SUPT5H: variants seen among roughly 807,000 people sequenced by gnomAD.
SUPT5H encodes the protein transcription elongation factor SPT5.
SUPT5H carries 24 observed loss-of-function variants against 142.5 expected under a neutral mutation model. That is an observed-to-expected ratio of 0.17 (90% CI 0.12 to 0.24). The LOEUF (loss-of-function observed/expected upper bound fraction) is 0.24. Among genes scored for constraint, SUPT5H ranks in the 10% least tolerant of loss-of-function variants. The pLI is 1.00. For missense variants in SUPT5H, 893 were observed against 1,471.8 expected (o/e 0.61, Z 6.43); for synonymous variants, 546 against 553.0 (o/e 0.99, Z 0.18).
In SUPT5H at chr19:39,473,584, T is replaced by A; in HGVS notation, c.2492+63T>A. ...TGTGTGTGAGGGATGATGCTGGGTG[T>A]CTGGGGCATTGGAGGGGTTTGTGGG... On this transcript the variant is annotated intron_variant, in intron 25 of 29. Transcript: ENST00000432763. The surrounding 1 kb of genome is among the most constrained non-coding windows in gnomAD (Gnocchi z 5.8). 6.5e-7 allele frequency: 1 copy of A among 1,543,096 alleles called. No individual in the cohort carries two copies. The highest frequency in any genetic ancestry group is 8.8e-7 in the Non-Finnish European group (1 of 1,140,400).
chr19:39,471,870 A>G lies in SUPT5H; in HGVS notation c.1950+140A>G, dbSNP rs879189178. 4 of 1,247,596 alleles carry G rather than the reference A, an allele frequency of 3.2e-6. No individual in the cohort carries two copies. The South Asian group carries it at 6.4e-5, about 20-fold the overall frequency. 77.3% of individuals were successfully genotyped at this position (1,247,596 alleles called of 1,614,324 possible). A position where few individuals can be genotyped will look rare whatever the true frequency, so the allele number is the denominator to read the frequency against. On this transcript the variant is annotated intron_variant, in intron 20 of 29. Coordinates refer to ENST00000432763, the MANE Select transcript of SUPT5H (RefSeq NM_001111020.3). Reference sequence around the variant, plus strand: ...ATTGTCAGGTCCTTGGCAAAGAGTGAGAAGGTTTATTTGGGATTCTGAGCT... The same window carrying G: ...ATTGTCAGGTCCTTGGCAAAGAGTGGGAAGGTTTATTTGGGATTCTGAGCT...
rs4803244 is a variant in SUPT5H, at chr19:39,473,607, G to A, written c.2492+86G>A. 538,849 of 1,428,254 alleles carry A rather than the reference G, an allele frequency of 0.38. 105,102 individuals are homozygous for A. Among genetic ancestry groups the A allele is most frequent in the African/African-American group, 0.59 (42,082 of 71,116 alleles). The allele number at this position is 1,428,254 out of a possible 1,614,324, so 88.5% of individuals were successfully genotyped here. A position where few individuals can be genotyped will look rare whatever the true frequency, so the allele number is the denominator to read the frequency against. On this transcript the variant is annotated intron_variant, in intron 25 of 29. Transcript: ENST00000432763. This position sits in a 1 kb window ranked among gnomAD's most constrained non-coding sequence, Gnocchi z 5.8. The stretch of plus-strand genomic sequence containing the variant: ...TGTCTGGGGCATTGGAGGGGTTTGT[G>A]GGGCCCACCCAGCATTCTCTGCTCC...
At chr19:39,471,255 A>T in intron 18 of SUPT5H, 102 bp from the exon 19 acceptor site, 1 of 1,398,418 alleles carries the variant, frequency 7.2e-7, no homozygotes, top group Non-Finnish European at 9.9e-7. Context: ...GGAGCTTGGG[A>T]CTGTCTCCCA....
At chr19:39,475,225 C>CAAAAAAGA (rs2079386208) in intron 28 of SUPT5H, 1 of 81,004 alleles carries the variant, frequency 1.2e-5, no homozygotes, top group Non-Finnish European at 2.3e-5. Flanking sequence ...ACTAAAAATA[C>CAAAAAAGA]AAAAAAAAAA....
rs755128521 is a variant in SUPT5H at position 39,474,211 on chromosome 19, C to T, written c.2652-23C>T. The T allele has an allele frequency of 1.9e-6, 3 of 1,613,954 alleles. No homozygotes were observed. In the East Asian group the frequency reaches 6.7e-5, roughly 36 times the overall value. ...TTCCCCTCCCTCCTCCAACAAATGC[C>T]CCCTTCTCTCCTGTCTCTGCAGGTA... On this transcript the variant is annotated intron_variant, in intron 26 of 29. Coordinates refer to ENST00000432763, the MANE Select transcript of SUPT5H (RefSeq NM_001111020.3). This position sits in a 1 kb window ranked among gnomAD's most constrained non-coding sequence, Gnocchi z 6.5.
intron 2 of SUPT5H, among the ~76,000 whole-genome samples, chr19:39,446,388 A>G (rs1042328987): frequency 6.6e-6 from 1 of 152,236 alleles, no homozygotes; most frequent in Admixed American, 6.5e-5. Context: ...GGAATAAACT[A>G]TATAGTAAGC....
chr19:39,456,406 T>TG (rs200866343), intron 3 of SUPT5H, among the ~76,000 whole-genome samples: 61 of 84,132 alleles, frequency 7.3e-4, no homozygotes, highest in Middle Eastern at 6.9e-3. Context: ...GACTGTTTTT[T>TG]TTTGTTGTTG....
In SUPT5H at chr19:39,473,274, T is replaced by C. The variant is rs1164772996; in HGVS notation, c.2330T>C (p.Met777Thr). The C allele has an allele frequency of 6.2e-7, 1 of 1,613,682 alleles. No individual in the cohort carries two copies. The highest frequency in any genetic ancestry group is 8.5e-7 in the Non-Finnish European group (1 of 1,179,940). ...RTPMYGSQTP[M>T]YGSGSRTPMY... ...CCCATGTATGGCTCCCAGACGCCCATGTATGGCTCTGGCTCCCGAACACCC... is the reference window on the plus strand; with the variant it reads ...CCCATGTATGGCTCCCAGACGCCCACGTATGGCTCTGGCTCCCGAACACCC... The change falls in exon 24 of 30, where the codon ATG becomes ACG. Residue 777 changes from methionine to threonine, a missense_variant. Met to Thr is a moderately conservative substitution (Grantham distance 81). Coordinates refer to ENST00000432763, the MANE Select transcript of SUPT5H (RefSeq NM_001111020.3). This position sits in a 1 kb window ranked among gnomAD's most constrained non-coding sequence, Gnocchi z 5.8.
rs1399081252 is a variant in SUPT5H at position 39,453,476 on chromosome 19, C to T, written c.196C>T (p.Pro66Ser). 5 of 1,550,124 alleles carry T rather than the reference C, an allele frequency of 3.2e-6. No individual in the cohort carries two copies. The Admixed American group carries it at 9.8e-5, about 30-fold the overall frequency. The change falls in exon 3 of 30, where the codon CCC (proline) becomes TCC (serine). Residue 66 changes from proline to serine, a missense_variant. By Grantham distance (74) the Pro-to-Ser change is moderately conservative. Coordinates refer to ENST00000432763, the MANE Select transcript of SUPT5H (RefSeq NM_001111020.3). Reference protein sequence around the residue: ...EEEEEEDDDRPPKKPRHGGFI... With the variant: ...EEEEEEDDDRSPKKPRHGGFI... The stretch of plus-strand genomic sequence containing the variant: ...AGAGGAGGAAGAAGATGATGACCGA[C>T]CCCCCAAGAAACCCCGCCATGGAGG...
At chr19:39,476,029 C>A in intron 28 of SUPT5H, 52 bp from the exon 29 acceptor site, 1 of 1,514,200 alleles carries the variant, frequency 6.6e-7, no homozygotes, top group Non-Finnish European at 9.2e-7. Flanking sequence ...GTATGGGCCT[C>A]AGTCCCATGT....
Position 39,456,159 on chromosome 19 carries a change from C to T in SUPT5H, c.242-1516C>T, listed in dbSNP as rs150202086. On this transcript the variant is annotated intron_variant, in intron 3 of 29. Transcript: ENST00000432763. ...CTCGAACTCCTGACCTCAGGTGGTC[C>T]ACCCATCTCGGCCTCCCAAAGTGCG... Among the ~76,000 whole-genome samples the T allele has an allele frequency of 5.7e-3, 862 of 151,888 alleles. 5 individuals carry two copies. Among genetic ancestry groups the T allele is most frequent in the African/African-American group, 0.019 (789 of 41,408 alleles).
chr19:39,469,028 G>A lies in SUPT5H; in HGVS notation c.1144-51G>A, dbSNP rs759711457. On this transcript the variant is annotated intron_variant, in intron 14 of 29. Transcript: ENST00000432763. The surrounding 1 kb of genome is among the most constrained non-coding windows in gnomAD (Gnocchi z 5.1). ...ACTCAGCCCACTCAGCTGGGCTGTT[G>A]CACTGACCTCGGTCCATTTCCTTCT... The A allele has an allele frequency of 8.7e-6, 14 of 1,608,276 alleles. No homozygotes were observed. The South Asian group carries it at 1.4e-4, about 16-fold the overall frequency.
At chr19:39,463,451 A>G (rs888822594) in intron 10 of SUPT5H, among the ~76,000 whole-genome samples, 3 of 152,176 alleles carry the variant, frequency 2.0e-5, no homozygotes, top group Non-Finnish European at 2.9e-5. Context: ...ACTTCATTAC[A>G]TATGGATGGA....
chr19:39,460,124 TCTC>T, intron 10 of SUPT5H, 164 bp downstream of exon 10: 1 of 677,188 alleles, frequency 1.5e-6, no homozygotes, highest in Non-Finnish European at 2.6e-6. Flanking sequence ...GAAGGGCTCT[TCTC>T]GGCCTAGATG....
At position 39,459,295 on chromosome 19, in the gene SUPT5H, G is replaced by A. The variant is rs189785280; in HGVS notation, c.524+46G>A. ...GGGGCCGTGCTGGGGTGCGAATCTT[G>A]TATGGGGTGATGGTGCCTAGACAGG... is the stretch of plus-strand genomic sequence containing the variant. On this transcript the variant is annotated intron_variant, in intron 8 of 29. Transcript: ENST00000432763. 4.2e-3 allele frequency: 6,473 copies of A among 1,550,582 alleles called. 27 individuals are homozygous for A. Among genetic ancestry groups the A allele is most frequent in the Middle Eastern group, 0.013 (76 of 5,800 alleles).
chr19:39,445,939 C>T lies in SUPT5H; in HGVS notation c.49C>T (p.Arg17Cys). ...CTTTTCCGAGGAGGAGGACAGCGAG[C>T]GCAGCAGTGACGGCGAGGAGGCCGA... ...SNFSEEEDSE[R>C]SSDGEEAEVD... The change falls in exon 2 of 30, where the codon CGC becomes TGC. Residue 17 changes from arginine to cysteine, a missense_variant. Physicochemically the swap from Arg to Cys is radical, Grantham distance 180. Coordinates refer to ENST00000432763, the MANE Select transcript of SUPT5H (RefSeq NM_001111020.3). 6.2e-7 allele frequency: 1 copy of T among 1,613,424 alleles called. No homozygotes were observed. Among genetic ancestry groups the T allele is most frequent in the African/African-American group, 1.3e-5 (1 of 75,014 alleles).
intron 2 of SUPT5H, among the ~76,000 whole-genome samples, chr19:39,451,536 G>T (rs1334316782): frequency 1.3e-5 from 2 of 151,138 alleles, no homozygotes; most frequent in African/African-American, 2.4e-5. Flanking sequence ...TCAGTTTTTT[G>T]TTTGTTTGTT....
intron 10 of SUPT5H, among the ~76,000 whole-genome samples, chr19:39,464,027 A>C (rs576460090): frequency 6.5e-5 from 9 of 138,650 alleles, no homozygotes; most frequent in African/African-American, 2.4e-4. Context: ...CTTATTGCCC[A>C]GACTGGAGTG....
intron 18 of SUPT5H, among the ~76,000 whole-genome samples, 181 bp from the exon 19 acceptor site, chr19:39,471,176 G>A (rs2079314373): frequency 6.6e-6 from 1 of 152,026 alleles, no homozygotes. Flanking sequence ...AACATTTTTG[G>A]TTGACCCAGT....
Sources: allele counts gnomAD v4.1 joint callset (sites outside exome capture counted in the v4.1 genomes callset), GRCh38; gene constraint gnomAD v4.1.1; non-coding constraint Gnocchi (gnomAD v3.1); transcripts MANE v1.5; gene names NCBI Gene and HGNC (gene_info 2026-07-23, HGNC 2026-07-21).